PDE4D: variants seen among roughly 807,000 people sequenced by gnomAD.
PDE4D encodes 3',5'-cyclic-AMP phosphodiesterase 4D.
Under a neutral mutation model 87.4 loss-of-function variants are expected in PDE4D, and 24 were observed. That is an observed-to-expected ratio of 0.27 (90% CI 0.20 to 0.39). PDE4D has a LOEUF of 0.39. PDE4D is among the 10% of genes least tolerant of loss of function. PDE4D has a pLI of 1.00. For synonymous variants in PDE4D, 384 were observed against 383.2 expected, an observed-to-expected ratio of 1.00 and a Z score of -0.02; for missense variants, 714 against 1,041.0, an observed-to-expected ratio of 0.69 and a Z score of 4.32.
chr5:59,659,883 A>T (rs1388662440), intron 1 of PDE4D, among the ~76,000 whole-genome samples: 1 of 152,126 alleles, frequency 6.6e-6, no homozygotes, highest in African/African-American at 2.4e-5. Flanking sequence ...TTGATTTATT[A>T]AAAAATAAAT....
chr5:60,429,881 T>G, intron 1 of PDE4D: 2 of 344,008 alleles, frequency 5.8e-6, no homozygotes, highest in Non-Finnish European at 1.1e-5. Context: ...TAACTTTATT[T>G]GGTATATTTG....
intron 5 of PDE4D, among the ~76,000 whole-genome samples, chr5:59,138,549 T>C (rs1777460598): frequency 6.6e-6 from 1 of 152,236 alleles, no homozygotes; most frequent in African/African-American, 2.4e-5. Flanking sequence ...AAGATTACAT[T>C]GTCTAAGACT....
chr5:59,142,719 GA>G (rs1338793946), intron 5 of PDE4D, among the ~76,000 whole-genome samples: 2 of 152,206 alleles, frequency 1.3e-5, no homozygotes, highest in Non-Finnish European at 2.9e-5. Flanking sequence ...GGCGGATCAT[GA>G]GGTTAGGAGA....
At chr5:59,433,629 C>T (rs576219430) in intron 1 of PDE4D, among the ~76,000 whole-genome samples, 1 of 152,082 alleles carries the variant, frequency 6.6e-6, no homozygotes, top group African/African-American at 2.4e-5. Context: ...CCAAATAAGG[C>T]TCAAATCTTA....
At chr5:60,235,156 A>G (rs1283951984) in intron 1 of PDE4D, among the ~76,000 whole-genome samples, 1 of 151,926 alleles carries the variant, frequency 6.6e-6, no homozygotes, top group Non-Finnish European at 1.5e-5. Flanking sequence ...TTTATTTCTA[A>G]GAAGACTGTA....
intron 1 of PDE4D, among the ~76,000 whole-genome samples, chr5:59,657,853 T>C (rs1248300076): frequency 2.0e-5 from 3 of 152,186 alleles, no homozygotes. Flanking sequence ...AATCACACTT[T>C]TATTGTACAA....
chr5:59,586,047 A>T (rs1043346219), intron 1 of PDE4D, among the ~76,000 whole-genome samples: 2 of 152,208 alleles, frequency 1.3e-5, no homozygotes, highest in African/African-American at 2.4e-5. Context: ...AAAATTTATT[A>T]AATTGTTGCC....
chr5:59,481,032 C>A (rs1019015655), intron 1 of PDE4D, among the ~76,000 whole-genome samples: 3 of 152,088 alleles, frequency 2.0e-5, no homozygotes, highest in African/African-American at 7.2e-5. Context: ...TCTCTATTTG[C>A]AGTAGAAGTC....
chr5:59,279,930 G>A (rs1312830737), intron 1 of PDE4D, among the ~76,000 whole-genome samples: 1 of 151,860 alleles, frequency 6.6e-6, no homozygotes, highest in Non-Finnish European at 1.5e-5. Flanking sequence ...GTTGTACAGT[G>A]GCAATGAATT....
chr5:59,464,193 G>A (rs1412238165), intron 1 of PDE4D, among the ~76,000 whole-genome samples: 1 of 152,150 alleles, frequency 6.6e-6, no homozygotes. Context: ...CCGTCCCCCA[G>A]CCCGACACCC....
chr5:59,330,556 C>T (rs996919977), intron 1 of PDE4D, among the ~76,000 whole-genome samples: 1 of 152,198 alleles, frequency 6.6e-6, no homozygotes, highest in South Asian at 2.1e-4. Flanking sequence ...ACATTCAAAT[C>T]ACCAAGCTAC....
At chr5:60,245,462 A>G (rs368997369) in intron 1 of PDE4D, among the ~76,000 whole-genome samples, 1 of 151,592 alleles carries the variant, frequency 6.6e-6, no homozygotes, top group African/African-American at 2.4e-5. Context: ...AAATCAGTAT[A>G]TCAAAGAGAT....
At chr5:60,174,084 TTA>T (rs1417811542) in intron 2 of PDE4D, among the ~76,000 whole-genome samples, 1 of 152,030 alleles carries the variant, frequency 6.6e-6, no homozygotes, top group East Asian at 1.9e-4. Context: ...TGTGTAGATG[TTA>T]TGAATGTCCA....
Position 59,031,430 on chromosome 5 carries a change from G to A in PDE4D, c.921+7429C>T, listed in dbSNP as rs1490818942. ...TATATATATATAGATTATACAGGCC[G>A]GGCGCAGTGGCTCAGATCTGTAATC... On this transcript the variant is annotated intron_variant, in intron 6 of 14. Coordinates refer to ENST00000340635, the MANE Select transcript of PDE4D (RefSeq NM_001104631.2). Among the ~76,000 whole-genome samples the A allele has an allele frequency of 6.3e-5, 9 of 143,730 alleles. No individual in the cohort carries two copies. In the South Asian group the frequency reaches 8.8e-4, roughly 14 times the overall value. 94.3% of individuals were successfully genotyped at this position (143,730 alleles called of 152,430 possible). A position where few individuals can be genotyped will look rare whatever the true frequency, so the allele number is the denominator to read the frequency against.
intron 1 of PDE4D, among the ~76,000 whole-genome samples, chr5:59,298,948 T>G (rs944096995): frequency 1.3e-5 from 2 of 152,174 alleles, no homozygotes; most frequent in African/African-American, 4.8e-5. Context: ...ACAAAAACAA[T>G]AATAATTTTG....
rs184542690 is a variant in PDE4D, at chr5:59,165,523, G to A, written c.808+15072C>T. 1.1e-4 allele frequency among the ~76,000 whole-genome samples: 17 copies of A among 152,158 alleles called. No individual in the cohort carries two copies. The East Asian group carries it at 2.3e-3, about 21-fold the overall frequency. ...ACTCCTGACCTCAGGTGATCTGCCC[G>A]CCTCAGCCTCCCAAAATGCTGGAAT... On this transcript the variant is annotated intron_variant, in intron 5 of 14. Coordinates refer to ENST00000340635, the MANE Select transcript of PDE4D (RefSeq NM_001104631.2).
At chr5:59,738,871 C>T (rs1282750440) in intron 1 of PDE4D, among the ~76,000 whole-genome samples, 1 of 151,694 alleles carries the variant, frequency 6.6e-6, no homozygotes, top group Admixed American at 6.6e-5. Context: ...AATAGTAGAG[C>T]TTTACACAAA....
At chr5:59,367,175 T>C (rs1203860556) in intron 1 of PDE4D, among the ~76,000 whole-genome samples, 1 of 152,188 alleles carries the variant, frequency 6.6e-6, no homozygotes, top group East Asian at 1.9e-4. Flanking sequence ...TCTGAGAAAA[T>C]AGCCAATACA....
At chr5:59,926,105 A>T (rs369162848) in intron 3 of PDE4D, among the ~76,000 whole-genome samples, 21 of 152,318 alleles carry the variant, frequency 1.4e-4, no homozygotes, top group African/African-American at 4.8e-4. Context: ...AGGATAGACC[A>T]CATGTTAGGC....
Sources: gnomAD v4.1 joint callset for allele counts (sites outside exome capture counted in the v4.1 genomes callset) on GRCh38, gnomAD v4.1.1 for gene constraint, MANE v1.5 for transcripts, NCBI Gene and HGNC (gene_info 2026-07-23, HGNC 2026-07-21) for gene names.